SIDT1: variants seen among roughly 807,000 people sequenced by gnomAD.
SIDT1 encodes SID1 transmembrane family member 1.
In SIDT1, 101 loss-of-function variants were observed where a neutral mutation model predicts 107.5. The ratio of observed to expected loss-of-function variants is 0.94; its 90% confidence interval spans 0.80 to 1.11. The LOEUF (loss-of-function observed/expected upper bound fraction) is 1.11. Ranked by LOEUF, SIDT1 falls within the 50% of genes least tolerant of loss-of-function variation. The pLI, the probability that SIDT1 is intolerant of heterozygous loss-of-function variation, is 0.00. For synonymous variants in SIDT1, 395 were observed against 398.2 expected (o/e 0.99, Z 0.10); for missense variants, 1,076 against 1,058.2 (o/e 1.02, Z -0.23).
chr3:113,615,442 G>T (rs769649045), intron 19 of SIDT1, among the ~76,000 whole-genome samples: 7 of 152,232 alleles, frequency 4.6e-5, no homozygotes, highest in Non-Finnish European at 8.8e-5. Flanking sequence ...AACACAGCCC[G>T]TCTTTGACCC....
At position 113,612,102 on chromosome 3, in the gene SIDT1, A is replaced by T. The variant is rs147872055; in HGVS notation, c.1874A>T (p.Asp625Val). ...TACTCCTAGGTGTTTGGAAAAAATG[A>T]CGTATGGTTCTGGGTCATCTTCTCT... ...TVLGVVFGKNDVWFWVIFSAI... is the reference protein window; with the variant it reads ...TVLGVVFGKNVVWFWVIFSAI... The change falls in exon 19 of 25, where the codon GAC (aspartate) becomes GTC (valine). Residue 625 changes from aspartate (D) to valine (V), a missense_variant. Coordinates refer to ENST00000264852, the MANE Select transcript of SIDT1 (RefSeq NM_017699.3). The T allele has an allele frequency of 7.9e-4, 1,277 of 1,613,968 alleles. 5 individuals carry two copies. Among genetic ancestry groups the T allele is most frequent in the Middle Eastern group, 1.5e-3 (9 of 6,058 alleles).
intron 10 of SIDT1, among the ~76,000 whole-genome samples, chr3:113,595,808 C>G (rs1471983816): frequency 1.3e-5 from 2 of 152,156 alleles, no homozygotes; most frequent in Non-Finnish European, 2.9e-5. Flanking sequence ...ATGATGGCAT[C>G]ACCCCCAATG....
chr3:113,533,035 T>G lies in SIDT1; in HGVS notation c.14T>G (p.Leu5Arg). The G allele has an allele frequency of 7.3e-7, 1 of 1,375,574 alleles. No individual in the cohort carries two copies. Among genetic ancestry groups the G allele is most frequent in the East Asian group, 3.1e-5 (1 of 32,392 alleles). The allele number at this position is 1,375,574 out of a possible 1,614,324, so 85.2% of individuals were successfully genotyped here. A position where few individuals can be genotyped will look rare whatever the true frequency, so the allele number is the denominator to read the frequency against. Residue 5 changes from leucine to arginine, a missense_variant, in exon 1 of 25, where the codon CTG becomes CGG. Leu to Arg is a moderately radical substitution (Grantham distance 102). Coordinates refer to ENST00000264852, the MANE Select transcript of SIDT1 (RefSeq NM_017699.3). MRGC[L>R]RLALLCALPW... Reference sequence around the variant, plus strand: ...GCGGTGCCCACCATGCGCGGCTGCCTGCGGCTCGCGCTGCTCTGCGCGCTG... The same window carrying G: ...GCGGTGCCCACCATGCGCGGCTGCCGGCGGCTCGCGCTGCTCTGCGCGCTG...
chr3:113,576,905 C>T lies in SIDT1; in HGVS notation c.516-17C>T, dbSNP rs1286472084. Reference sequence around the variant, plus strand: ...TCTCACTTTTCCCCTTTCCCTTCTGCCACTTACGTTTCTCAGGACAAATGT... The same window carrying T: ...TCTCACTTTTCCCCTTTCCCTTCTGTCACTTACGTTTCTCAGGACAAATGT... On this transcript the variant is annotated splice_polypyrimidine_tract_variant and intron_variant, in intron 3 of 24. Transcript: ENST00000264852. The T allele has an allele frequency of 6.2e-7, 1 of 1,613,764 alleles. No homozygotes were observed. Among genetic ancestry groups the T allele is most frequent in the Admixed American group, 1.7e-5 (1 of 60,024 alleles).
At chr3:113,598,811 G>GA (rs1370616944) in intron 10 of SIDT1, among the ~76,000 whole-genome samples, 2 of 250 alleles carry the variant, frequency 8.0e-3, no homozygotes, top group Admixed American at 0.077. Flanking sequence ...TTTCAAATAA[G>GA]GACATAGGTT....
At chr3:113,635,119 A>G in the SIDT1 span, among the ~76,000 whole-genome samples, 1 of 152,250 alleles carries the variant, frequency 6.6e-6, no homozygotes, top group Non-Finnish European at 1.5e-5. Context: ...GCATCAGGTT[A>G]CTACTGGGAG....
chr3:113,533,029 G>T lies in SIDT1; in HGVS notation c.8G>T (p.Gly3Val). The T allele has an allele frequency of 7.3e-7, 1 of 1,371,248 alleles. No homozygotes were observed. The allele number at this position is 1,371,248 out of a possible 1,614,324, so 84.9% of individuals were successfully genotyped here. The change falls in exon 1 of 25, where the codon GGC becomes GTC. Residue 3 changes from glycine (G) to valine (V), a missense_variant. Transcript: ENST00000264852. The part of the protein sequence containing the change: MR[G>V]CLRLALLCAL... ...CCGGGCGCGGTGCCCACCATGCGCGGCTGCCTGCGGCTCGCGCTGCTCTGC... is the reference window on the plus strand; with the variant it reads ...CCGGGCGCGGTGCCCACCATGCGCGTCTGCCTGCGGCTCGCGCTGCTCTGC...
At chr3:113,556,723 A>G (rs1360952475) in intron 1 of SIDT1, among the ~76,000 whole-genome samples, 1 of 151,948 alleles carries the variant, frequency 6.6e-6, no homozygotes, top group Non-Finnish European at 1.5e-5. Context: ...TTACAGTTAC[A>G]CAACTGCCTG....
chr3:113,615,154 C>A, intron 19 of SIDT1: 1 of 1,451,148 alleles, frequency 6.9e-7, no homozygotes, highest in Non-Finnish European at 9.3e-7. Flanking sequence ...CCTGGCAGCC[C>A]TGCTCCCTGA....
At chr3:113,603,793 A>G (rs538930652) in intron 12 of SIDT1, among the ~76,000 whole-genome samples, 167 bp from the exon 13 acceptor site, 3 of 152,362 alleles carry the variant, frequency 2.0e-5, no homozygotes, top group South Asian at 4.1e-4. Context: ...ATTTTAATCA[A>G]GTAAATTTGA....
intron 17 of SIDT1, 134 bp downstream of exon 17, chr3:113,608,670 T>G (rs1454369340): frequency 1.4e-6 from 1 of 697,898 alleles, no homozygotes; most frequent in East Asian, 2.5e-5. Context: ...AGAGAGGACC[T>G]CCACACAGAG....
intron 24 of SIDT1, among the ~76,000 whole-genome samples, chr3:113,626,596 C>T (rs1381110520): frequency 1.3e-5 from 2 of 152,186 alleles, no homozygotes; most frequent in Non-Finnish European, 1.5e-5. Flanking sequence ...CCTCCTCCTC[C>T]TCCTCCAGTC....
intron 1 of SIDT1, among the ~76,000 whole-genome samples, chr3:113,560,363 CT>C (rs1576764715): frequency 6.6e-6 from 1 of 152,184 alleles, no homozygotes; most frequent in South Asian, 2.1e-4. Flanking sequence ...GTTATTGGTG[CT>C]TTTTCCATTT....
chr3:113,634,283 A>G (rs1947110410), downstream of SIDT1, among the ~76,000 whole-genome samples: 1 of 152,190 alleles, frequency 6.6e-6, no homozygotes, highest in African/African-American at 2.4e-5. Context: ...AGATCTTACT[A>G]TTGGAAACTT....
chr3:113,624,503 T>C (rs926696124), intron 23 of SIDT1, among the ~76,000 whole-genome samples: 7 of 152,250 alleles, frequency 4.6e-5, no homozygotes, highest in African/African-American at 1.4e-4. Flanking sequence ...TGCTCATCAG[T>C]TGATGGACAG....
chr3:113,594,348 G>A (rs1399222416), intron 10 of SIDT1, among the ~76,000 whole-genome samples: 6 of 152,032 alleles, frequency 3.9e-5, no homozygotes, highest in African/African-American at 7.2e-5. Flanking sequence ...CCTTTTAGTC[G>A]TCAGATGTTT....
chr3:113,621,706 A>G (rs558243003), intron 21 of SIDT1, among the ~76,000 whole-genome samples: 8 of 152,322 alleles, frequency 5.3e-5, no homozygotes, highest in African/African-American at 1.9e-4. Flanking sequence ...TTAGAATAGT[A>G]ATTAAGTTAA....
At chr3:113,612,230 A>G (rs1346786708) in intron 19 of SIDT1, 36 bp downstream of exon 19, 1 of 1,428,094 alleles carries the variant, frequency 7.0e-7, no homozygotes, top group East Asian at 2.3e-5. Flanking sequence ...AATCACACGA[A>G]TCAACTTTAA....
chr3:113,595,397 A>G (rs1036260075), intron 10 of SIDT1, among the ~76,000 whole-genome samples: 2 of 152,084 alleles, frequency 1.3e-5, no homozygotes, highest in Non-Finnish European at 2.9e-5. Flanking sequence ...ACATAGTAAG[A>G]CTTCGTCTTC....
Sources: gnomAD v4.1 joint callset for allele counts (sites outside exome capture counted in the v4.1 genomes callset) on GRCh38, gnomAD v4.1.1 for gene constraint, MANE v1.5 for transcripts, NCBI Gene and HGNC (gene_info 2026-07-23, HGNC 2026-07-21) for gene names.